The following TMPRSS2 variants were observed in gnomAD, a reference collection of about 807,000 sequenced individuals.
The protein encoded by TMPRSS2 is transmembrane serine protease 2, also known as transmembrane protease serine 2.
A neutral mutation model predicts 67.4 loss-of-function variants in TMPRSS2; 59 were observed. That is an observed-to-expected ratio of 0.88 (90% CI 0.71 to 1.09). The LOEUF is 1.09. Ranked by LOEUF, TMPRSS2 falls within the 50% of genes least tolerant of loss-of-function variation. The pLI, the probability that TMPRSS2 is intolerant of heterozygous loss-of-function variation, is 0.00. For missense variants in TMPRSS2, 668 were observed against 642.7 expected, an observed-to-expected ratio of 1.04 and a Z score of -0.43; for synonymous variants, 257 against 257.0, an observed-to-expected ratio of 1.00 and a Z score of 0.00.
At chr21:41,497,233 T>G (rs1179129229) in intron 2 of TMPRSS2, among the ~76,000 whole-genome samples, 1 of 152,126 alleles carries the variant, frequency 6.6e-6, no homozygotes, top group Non-Finnish European at 1.5e-5. Flanking sequence ...TCTTAGAACT[T>G]TAAATGAGGC....
At chr21:41,468,313 T>C in intron 12 of TMPRSS2, 83 bp downstream of exon 12, 1 of 1,555,250 alleles carries the variant, frequency 6.4e-7, no homozygotes, top group Non-Finnish European at 8.8e-7. Flanking sequence ...GAGGCTCTGC[T>C]GACCCCAAGA....
chr21:41,475,619 AGGT>A (rs2091204105), intron 8 of TMPRSS2, among the ~76,000 whole-genome samples: 1 of 15,360 alleles, frequency 6.5e-5, no homozygotes. Context: ...GGAGGTGAGG[AGGT>A]GAGTGAGGGT....
chr21:41,488,633 G>A (rs2091314633), intron 4 of TMPRSS2, 120 bp from the exon 5 acceptor site: 1 of 1,184,684 alleles, frequency 8.4e-7, no homozygotes, highest in African/African-American at 1.5e-5. Flanking sequence ...TGGCCCCACT[G>A]TGTTTTGTTT....
chr21:41,471,752 CA>C, intron 10 of TMPRSS2, 53 bp downstream of exon 10: 2 of 1,517,822 alleles, frequency 1.3e-6, no homozygotes, highest in African/African-American at 1.4e-5. Context: ...CATTTCCAAT[CA>C]ACATCTCTTT....
rs1377904454 is a variant in TMPRSS2 at position 41,468,468 on chromosome 21, A to G, written c.1242T>C (p.Tyr414=). The change falls in exon 12 of 14, where the codon TAT becomes TAC. Residue 414 remains tyrosine, a synonymous_variant. Coordinates refer to ENST00000332149, the MANE Select transcript of TMPRSS2 (RefSeq NM_005656.4). ...LIETQRCNSR[Y]VYDNLITPAM... ...CTGGTGTGATCAGGTTGTCATAGAC[A>G]TATCTGCTGTTGCATCTCTGTGTCT... 2.5e-6 allele frequency: 4 copies of G among 1,614,176 alleles called. No homozygotes were observed. Among genetic ancestry groups the G allele is most frequent in the Non-Finnish European group, 3.4e-6 (4 of 1,180,022 alleles).
intron 9 of TMPRSS2, 116 bp downstream of exon 9, chr21:41,473,209 C>G: frequency 8.2e-7 from 1 of 1,221,544 alleles, no homozygotes; most frequent in South Asian, 1.5e-5. Context: ...GTGCAATACT[C>G]TCCCCATTTA....
At chr21:41,489,923 G>A (rs1652606081) in intron 3 of TMPRSS2, among the ~76,000 whole-genome samples, 1 of 152,088 alleles carries the variant, frequency 6.6e-6, no homozygotes, top group South Asian at 2.1e-4. Context: ...TGAGGTGGGT[G>A]GATCACTTGA....
intron 3 of TMPRSS2, 28 bp downstream of exon 3, chr21:41,494,328 C>T: frequency 1.2e-6 from 2 of 1,610,746 alleles, no homozygotes; most frequent in East Asian, 2.2e-5. Flanking sequence ...GGGTTTATTA[C>T]AGGAAATAAA....
chr21:41,480,619 A>G lies in TMPRSS2; in HGVS notation c.446-17T>C. ...AGAGGCGAACTGCACGAGAGGGAGG[A>G]TTATCCATGAGTTTCTTTCTTTTTT... is the stretch of plus-strand genomic sequence containing the variant. On this transcript the variant is annotated splice_polypyrimidine_tract_variant and intron_variant, in intron 5 of 13. Transcript: ENST00000332149. 1 of 1,613,010 alleles carries G rather than the reference A, an allele frequency of 6.2e-7. No individual in the cohort carries two copies. The highest frequency in any genetic ancestry group is 8.5e-7 in the Non-Finnish European group (1 of 1,179,868).
In TMPRSS2 at chr21:41,494,430, C is replaced by G. The variant is rs772806984; in HGVS notation, c.164G>C (p.Arg55Thr). 1 of 1,612,830 alleles carries G rather than the reference C, an allele frequency of 6.2e-7. No homozygotes were observed. The highest frequency in any genetic ancestry group is 1.7e-5 in the Admixed American group (1 of 59,564). Reference sequence around the variant, plus strand: ...GGGGTTGGAAGCCTGCGTCAGGACCCTCGGGGCGTACTGGGGCACGGGGGA... The same window carrying G: ...GGGGTTGGAAGCCTGCGTCAGGACCGTCGGGGCGTACTGGGGCACGGGGGA... ...YPSPVPQYAP[R>T]VLTQASNPVV... The change falls in exon 3 of 14, where the codon AGG (arginine) becomes ACG (threonine). Residue 55 changes from arginine to threonine, a missense_variant. Coordinates refer to ENST00000332149, the MANE Select transcript of TMPRSS2 (RefSeq NM_005656.4).
chr21:41,494,405 G>C lies in TMPRSS2; in HGVS notation c.189C>G (p.Pro63=), dbSNP rs61735792. 1.9e-6 allele frequency: 3 copies of C among 1,610,776 alleles called. No homozygotes were observed. The highest frequency in any genetic ancestry group is 2.5e-6 in the Non-Finnish European group (3 of 1,179,212). Residue 63 remains proline, a synonymous_variant, in exon 3 of 14, where the codon CCC becomes CCG. Transcript: ENST00000332149. The part of the protein sequence containing the change: ...APRVLTQASN[P]VVCTQPKSPS... The stretch of plus-strand genomic sequence containing the variant: ...GGGATTTGGGCTGCGTGCAGACGAC[G>C]GGGTTGGAAGCCTGCGTCAGGACCC...
At chr21:41,481,196 C>T (rs2091254832) in intron 5 of TMPRSS2, among the ~76,000 whole-genome samples, 1 of 152,206 alleles carries the variant, frequency 6.6e-6, no homozygotes, top group Admixed American at 6.5e-5. Flanking sequence ...CCACCAACGG[C>T]TGGGTGAGCA....
chr21:41,476,697 T>C (rs1323945007), intron 7 of TMPRSS2, 77 bp from the exon 8 acceptor site: 2 of 1,271,446 alleles, frequency 1.6e-6, no homozygotes, highest in Non-Finnish European at 1.1e-6. Context: ...AAATCAGTCA[T>C]TTCTTCCGAT....
chr21:41,491,536 C>T (rs988881182), intron 3 of TMPRSS2, among the ~76,000 whole-genome samples: 1 of 152,216 alleles, frequency 6.6e-6, no homozygotes, highest in Non-Finnish European at 1.5e-5. Flanking sequence ...CATAACTCGG[C>T]TGCAATGATT....
chr21:41,499,854 C>T (rs924333330), intron 1 of TMPRSS2, among the ~76,000 whole-genome samples: 4 of 151,986 alleles, frequency 2.6e-5, no homozygotes, highest in African/African-American at 4.8e-5. Context: ...GGCTTTTTTC[C>T]ACCCCTTCCC....
rs1435384410 is a variant in TMPRSS2 at position 41,470,754 on chromosome 21, A to G, written c.1076-11T>C. 2.5e-6 allele frequency: 4 copies of G among 1,612,230 alleles called. No individual in the cohort carries two copies. The highest frequency in any genetic ancestry group is 3.4e-6 in the Non-Finnish European group (4 of 1,179,678). The stretch of plus-strand genomic sequence containing the variant: ...CTGGTTTCACTAGGTCTGTTTCAAG[A>G]AGAGAAAACACAGTGAGCCAGGCGG... On this transcript the variant is annotated splice_polypyrimidine_tract_variant and intron_variant, in intron 10 of 13. Coordinates refer to ENST00000332149, the MANE Select transcript of TMPRSS2 (RefSeq NM_005656.4).
Position 41,473,449 on chromosome 21 carries a change from C to T in TMPRSS2, c.775G>A (p.Gly259Ser), listed in dbSNP as rs537370123. The change falls in exon 9 of 14, where the codon GGC becomes AGC. Residue 259 changes from glycine to serine, a missense_variant. Gly to Ser is a moderately conservative substitution (Grantham distance 56). Coordinates refer to ENST00000332149, the MANE Select transcript of TMPRSS2 (RefSeq NM_005656.4). The part of the protein sequence containing the change: ...NSSRQSRIVG[G>S]ESALPGAWPW... ...CAGGCCCCCGGGAGCGCGCTCTCGC[C>T]GCCCACAATCCTGCTCTGGCGGCTT... 65 of 1,609,984 alleles carry T rather than the reference C, an allele frequency of 4.0e-5. No homozygotes were observed. The highest frequency in any genetic ancestry group is 5.4e-5 in the Non-Finnish European group (64 of 1,178,928).
At chr21:41,483,926 C>T (rs910140730) in intron 5 of TMPRSS2, among the ~76,000 whole-genome samples, 6 of 151,982 alleles carry the variant, frequency 3.9e-5, no homozygotes, top group East Asian at 1.9e-4. Context: ...GCCCAGAGTT[C>T]GAGACCAACC....
At chr21:41,495,047 G>C (rs1007596550) in intron 2 of TMPRSS2, among the ~76,000 whole-genome samples, 1 of 141,470 alleles carries the variant, frequency 7.1e-6, no homozygotes, top group Non-Finnish European at 1.5e-5. Flanking sequence ...CCAGCCTGGC[G>C]ACAGAGCAAG....
Sources: gnomAD v4.1 joint callset for allele counts (sites outside exome capture counted in the v4.1 genomes callset) on GRCh38, gnomAD v4.1.1 for gene constraint, MANE v1.5 for transcripts, NCBI Gene and HGNC (gene_info 2026-07-23, HGNC 2026-07-21) for gene names.